MYBL1: variants seen among roughly 807,000 people sequenced by gnomAD.
MYBL1 encodes MYB proto-oncogene like 1.
In MYBL1, 17 loss-of-function variants were observed where a neutral mutation model predicts 96.3. The observed-to-expected ratio is 0.18, with a 90% CI of 0.12 to 0.26. The LOEUF (loss-of-function observed/expected upper bound fraction) is 0.26. MYBL1 is among the 10% of genes least tolerant of loss of function. The probability of loss-of-function intolerance (pLI) is 1.00; values close to 1 mark genes in which losing one functional copy is unlikely to be tolerated. For missense variants in MYBL1, 701 were observed against 882.9 expected, an observed-to-expected ratio of 0.79 and a Z score of 2.61; for synonymous variants, 282 against 292.7, an observed-to-expected ratio of 0.96 and a Z score of 0.37.
rs565489028 is a variant in MYBL1 at position 66,566,355 on chromosome 8, T to A, written c.1951-112A>T. ...CTGTTTATTTCCCTCCAAGAAAGCA[T>A]TTGGCTCTGATGAAATTTCTAGTAA... On this transcript the variant is annotated intron_variant, in intron 14 of 15. Transcript: ENST00000522677. 406 of 606,340 alleles carry A rather than the reference T, an allele frequency of 6.7e-4. 2 individuals are homozygous for A. The highest frequency in any genetic ancestry group is 2.8e-3 in the South Asian group (92 of 33,400). 37.6% of individuals were successfully genotyped at this position (606,340 alleles called of 1,614,324 possible).
At chr8:66,610,642 A>G (rs996126934) in intron 1 of MYBL1, among the ~76,000 whole-genome samples, 31 of 152,224 alleles carry the variant, frequency 2.0e-4, no homozygotes, top group African/African-American at 7.0e-4. Context: ...ATTTTTCCCA[A>G]TGACATTATT....
rs1220290861 is a variant in MYBL1 at position 66,564,793 on chromosome 8, C to T, written c.2163G>A (p.Gly721=). 6.3e-7 allele frequency: 1 copy of T among 1,577,320 alleles called. No individual in the cohort carries two copies. The highest frequency in any genetic ancestry group is 2.3e-5 in the East Asian group (1 of 43,922). Residue 721 remains glycine, a synonymous_variant, in exon 16 of 16, where the codon GGG becomes GGA. Coordinates refer to ENST00000522677, the MANE Select transcript of MYBL1 (RefSeq NM_001080416.4). ...SNCEWETVVY[G]KTEDQLIMTE... ...TCATAATAAGTTGGTCTTCTGTCTT[C>T]CCATAAACCACTGTTTCCCATTCAC...
intron 1 of MYBL1, chr8:66,612,234 G>A (rs1417444858): frequency 1.3e-5 from 2 of 152,292 alleles, no homozygotes; most frequent in African/African-American, 4.8e-5. Context: ...CCCAAGAGAG[G>A]ATATTAAAAT....
At chr8:66,612,791 A>T in intron 1 of MYBL1, 28 bp downstream of exon 1, 1 of 1,352,394 alleles carries the variant, frequency 7.4e-7, no homozygotes, top group Middle Eastern at 2.0e-4. Context: ...CGGCGCCGAC[A>T]GGCCTGGGCG....
In MYBL1 at chr8:66,562,507, ACCAGTACCAAC is replaced by A. The variant is rs1808370914; in HGVS notation, c.*2179_*2189del. Reference sequence around the variant, plus strand: ...ACAAAGCAGTTAACTGAAGGATTCAACCAGTACCAACCCAAATATGTATTATGTCCAATAAG... The same window carrying A: ...ACAAAGCAGTTAACTGAAGGATTCAACCAAATATGTATTATGTCCAATAAG... On this transcript the variant is annotated 3_prime_UTR_variant, in exon 16 of 16. Coordinates refer to ENST00000522677, the MANE Select transcript of MYBL1 (RefSeq NM_001080416.4). 6.6e-6 allele frequency: 1 copy of A among 152,630 alleles called. No individual in the cohort carries two copies. The highest frequency in any genetic ancestry group is 1.5e-5 in the Non-Finnish European group (1 of 68,030). The allele number at this position is 152,630 out of a possible 1,614,324, so 9.5% of individuals were successfully genotyped here. A position where few individuals can be genotyped will look rare whatever the true frequency, so the allele number is the denominator to read the frequency against.
intron 1 of MYBL1, among the ~76,000 whole-genome samples, chr8:66,611,926 G>T (rs1375331628): frequency 6.6e-6 from 1 of 152,086 alleles, no homozygotes; most frequent in Non-Finnish European, 1.5e-5. Context: ...CATCTTTTCA[G>T]GTTTATTTGA....
intron 10 of MYBL1, among the ~76,000 whole-genome samples, chr8:66,574,553 A>G (rs1808859613): frequency 6.6e-6 from 1 of 152,166 alleles, no homozygotes; most frequent in Non-Finnish European, 1.5e-5. Flanking sequence ...GCCTCAAAAT[A>G]TACCTCCAAT....
chr8:66,605,026 T>C (rs1810256719), intron 1 of MYBL1, among the ~76,000 whole-genome samples: 1 of 152,158 alleles, frequency 6.6e-6, no homozygotes, highest in South Asian at 2.1e-4. Context: ...ACATATGTAA[T>C]TTTCTAGTAG....
intron 12 of MYBL1, among the ~76,000 whole-genome samples, chr8:66,569,633 G>C (rs913676878): frequency 6.6e-6 from 1 of 152,290 alleles, no homozygotes; most frequent in East Asian, 1.9e-4. Context: ...TTACAGGTAT[G>C]AGCCACTGCA....
At chr8:66,580,634 C>A (rs1376781827) in intron 8 of MYBL1, among the ~76,000 whole-genome samples, 1 of 152,168 alleles carries the variant, frequency 6.6e-6, no homozygotes, top group Non-Finnish European at 1.5e-5. Context: ...CTACTCCCTT[C>A]CTTCCAAACT....
chr8:66,611,760 T>G (rs912329709), intron 1 of MYBL1, among the ~76,000 whole-genome samples: 16 of 152,114 alleles, frequency 1.1e-4, no homozygotes, highest in East Asian at 5.8e-4. Context: ...AACAGAAAAC[T>G]AAGGAAAAAA....
intron 1 of MYBL1, chr8:66,612,212 A>G (rs1474086081): frequency 6.6e-6 from 1 of 152,246 alleles, no homozygotes; most frequent in African/African-American, 2.4e-5. Flanking sequence ...AGTTGTTACT[A>G]TGTGACATGG....
Position 66,594,437 on chromosome 8 carries a change from A to G in MYBL1, c.687+1146T>C, listed in dbSNP as rs567010057. Among the ~76,000 whole-genome samples the G allele has an allele frequency of 9.9e-4, 151 of 152,298 alleles. 1 individual carries two copies. The highest frequency in any genetic ancestry group is 3.6e-3 in the African/African-American group (148 of 41,586). On this transcript the variant is annotated intron_variant, in intron 6 of 15. Transcript: ENST00000522677. ...TTTTATTAGTTTAAATTAATTGAATAATGAATATATCTAAATTAAAAGGGA... is the reference window on the plus strand; with the variant it reads ...TTTTATTAGTTTAAATTAATTGAATGATGAATATATCTAAATTAAAAGGGA...
chr8:66,586,614 T>C (rs933313091), intron 8 of MYBL1, among the ~76,000 whole-genome samples: 2 of 152,168 alleles, frequency 1.3e-5, no homozygotes, highest in Admixed American at 6.5e-5. Context: ...TCAAAAACAC[T>C]ATGGAGGCTC....
At chr8:66,601,957 A>C (rs1207601294) in intron 2 of MYBL1, among the ~76,000 whole-genome samples, 188 bp from the exon 3 acceptor site, 3 of 152,204 alleles carry the variant, frequency 2.0e-5, no homozygotes, top group African/African-American at 7.2e-5. Context: ...TCAGTTATTC[A>C]TGTCTCTGGT....
At chr8:66,572,879 GT>G (rs1171789254) in intron 11 of MYBL1, among the ~76,000 whole-genome samples, 1 of 151,932 alleles carries the variant, frequency 6.6e-6, no homozygotes, top group Non-Finnish European at 1.5e-5. Flanking sequence ...ATTTCAGTTG[GT>G]TTTCACTGTC....
At chr8:66,566,280 C>CA (rs1808500159) in intron 14 of MYBL1, 37 bp from the exon 15 acceptor site, 1 of 1,290,524 alleles carries the variant, frequency 7.7e-7, no homozygotes, top group South Asian at 1.5e-5. Flanking sequence ...ATAACTAATT[C>CA]AAAAATGGAG....
intron 12 of MYBL1, among the ~76,000 whole-genome samples, chr8:66,570,988 G>C (rs929035306): frequency 1.1e-4 from 16 of 151,840 alleles, no homozygotes; most frequent in African/African-American, 3.6e-4. Context: ...ACAGTATTTT[G>C]AAAAAAAGAC....
At chr8:66,596,747 G>A (rs1406272300) in intron 5 of MYBL1, among the ~76,000 whole-genome samples, 1 of 152,154 alleles carries the variant, frequency 6.6e-6, no homozygotes, top group East Asian at 1.9e-4. Flanking sequence ...TTGGTCTGCT[G>A]TACTAAACGC....
Sources: gnomAD v4.1 joint callset for allele counts (sites outside exome capture counted in the v4.1 genomes callset) on GRCh38, gnomAD v4.1.1 for gene constraint, MANE v1.5 for transcripts, NCBI Gene and HGNC (gene_info 2026-07-23, HGNC 2026-07-21) for gene names.